Variants in DYSF observed in about 807,000 individuals in gnomAD.
The protein encoded by DYSF is dystrophy-associated fer-1-like 1.
In DYSF, 212 loss-of-function variants were observed where a neutral mutation model predicts 274.9. That is an observed-to-expected ratio of 0.77 (90% confidence interval 0.69 to 0.86). The LOEUF is 0.86. DYSF is among the 40% of genes least tolerant of loss of function. The pLI is 0.00. For missense variants in DYSF, 2,666 were observed against 2,783.2 expected (o/e 0.96, Z 0.95); for synonymous variants, 1,091 against 1,078.7 (o/e 1.01, Z -0.22).
At chr2:71,489,238 C>T (rs2083611577) in intron 3 of DYSF, among the ~76,000 whole-genome samples, 1 of 152,100 alleles carries the variant, frequency 6.6e-6, no homozygotes, top group African/African-American at 2.4e-5. Flanking sequence ...ACTCAAAGTC[C>T]CACTGACCCA....
chr2:71,664,539 G>A (rs2094960769), intron 46 of DYSF, 101 bp downstream of exon 46: 1 of 1,453,678 alleles, frequency 6.9e-7, no homozygotes, highest in Non-Finnish European at 9.5e-7. Context: ...TGCCAGCCCT[G>A]GGCTTAGCAC....
intron 51 of DYSF, among the ~76,000 whole-genome samples, chr2:71,672,639 C>T (rs539637908): frequency 6.6e-5 from 10 of 152,292 alleles, no homozygotes; most frequent in Non-Finnish European, 1.5e-4. Context: ...GGTTCATTCC[C>T]CAGGCTGGAG....
At chr2:71,580,160 C>G (rs940153906) in intron 30 of DYSF, among the ~76,000 whole-genome samples, 2 of 152,378 alleles carry the variant, frequency 1.3e-5, no homozygotes, top group East Asian at 3.9e-4. Flanking sequence ...GGCTAGAGGC[C>G]TCTGCCCTGG....
chr2:71,527,707 C>T (rs532430343), intron 13 of DYSF, among the ~76,000 whole-genome samples: 1 of 152,168 alleles, frequency 6.6e-6, no homozygotes, highest in Admixed American at 6.5e-5. Context: ...ACTTACTTAC[C>T]CACTCATATG....
At chr2:71,563,132 A>G (rs1268338685) in intron 23 of DYSF, among the ~76,000 whole-genome samples, 2 of 152,214 alleles carry the variant, frequency 1.3e-5, no homozygotes, top group African/African-American at 4.8e-5. Context: ...AGTTCCTGGA[A>G]GCTGCTGCTG....
intron 1 of DYSF, among the ~76,000 whole-genome samples, chr2:71,470,074 C>T (rs942053051): frequency 2.0e-5 from 3 of 152,188 alleles, no homozygotes; most frequent in Admixed American, 6.5e-5. Flanking sequence ...AGATCTGCTG[C>T]GTCCCCACTT....
chr2:71,665,026 C>T lies in DYSF; in HGVS notation c.5175-136C>T, dbSNP rs1198461768. 10 of 1,371,660 alleles carry T rather than the reference C, an allele frequency of 7.3e-6. No individual in the cohort carries two copies. In the East Asian group the frequency reaches 2.3e-4, roughly 32 times the overall value. The allele number at this position is 1,371,660 out of a possible 1,614,324, so 85.0% of individuals were successfully genotyped here. ...AATGGGGATGCCCAGTCATGGTGAG[C>T]AATCAGATGGGACACCCACTGTAAA... On this transcript the variant is annotated intron_variant, in intron 46 of 55. Transcript: ENST00000410020.
chr2:71,637,930 C>T (rs1248029084), intron 41 of DYSF, among the ~76,000 whole-genome samples: 2 of 152,084 alleles, frequency 1.3e-5, no homozygotes, highest in African/African-American at 2.4e-5. Flanking sequence ...AGCAGCCGGC[C>T]AGCTGGTGTG....
intron 40 of DYSF, among the ~76,000 whole-genome samples, chr2:71,618,359 G>T (rs1558639285): frequency 4.1e-4 from 15 of 36,790 alleles, no homozygotes; most frequent in Admixed American, 9.5e-4. Flanking sequence ...GGGTGTGTGT[G>T]TGGTAGAGGT....
chr2:71,461,516 G>A (rs7582021), intron 1 of DYSF, among the ~76,000 whole-genome samples: 29,949 of 152,226 alleles, frequency 0.2, 3,187 homozygotes, highest in East Asian at 0.45. Flanking sequence ...CCTTTGGCCC[G>A]AGGAAATGAA....
chr2:71,660,353 C>T (rs1350784990), intron 44 of DYSF, among the ~76,000 whole-genome samples: 8 of 152,196 alleles, frequency 5.3e-5, no homozygotes, highest in Admixed American at 2.0e-4. Context: ...CCCATTCCCA[C>T]GGCTGGAGCC....
At chr2:71,519,032 G>A (rs1297212925) in intron 10 of DYSF, among the ~76,000 whole-genome samples, 3 of 138,010 alleles carry the variant, frequency 2.2e-5, no homozygotes. Flanking sequence ...GGCAGAGGTT[G>A]CAGTGAGCCA....
intron 22 of DYSF, among the ~76,000 whole-genome samples, chr2:71,558,527 C>T (rs1416009162): frequency 6.6e-6 from 1 of 152,226 alleles, no homozygotes; most frequent in Non-Finnish European, 1.5e-5. Context: ...TGGGCCAGGA[C>T]TCTGGGTTCT....
chr2:71,554,839 A>C (rs1301137408), intron 21 of DYSF, among the ~76,000 whole-genome samples: 2 of 152,122 alleles, frequency 1.3e-5, no homozygotes, highest in Non-Finnish European at 2.9e-5. Flanking sequence ...ATGGAGGAGA[A>C]TCACAGGTGG....
At chr2:71,605,502 C>A (rs182602639) in intron 36 of DYSF, among the ~76,000 whole-genome samples, 1 of 152,164 alleles carries the variant, frequency 6.6e-6, no homozygotes, top group East Asian at 1.9e-4. Flanking sequence ...ACCCATGGGG[C>A]TTGTGATCCT....
In DYSF at chr2:71,674,265, C is replaced by A. The variant is rs773560454; in HGVS notation, c.5853C>A (p.Asp1951Glu). 2 of 1,614,238 alleles carry A rather than the reference C, an allele frequency of 1.2e-6. No homozygotes were observed. The highest frequency in any genetic ancestry group is 1.7e-6 in the Non-Finnish European group (2 of 1,180,038). The change falls in exon 52 of 56, where the codon GAC becomes GAA. Residue 1951 changes from aspartate to glutamate, a missense_variant. By Grantham distance (45) the Asp-to-Glu change is conservative (BLOSUM62 2). Around this residue, in one of 3 missense-constraint regions of DYSF, gnomAD observed 1,460 missense variants for 1,502.1 expected, o/e 0.97. Transcript: ENST00000410020. ...IPARVVFQIW[D>E]NDKFSFDDFL... is the part of the protein sequence containing the mutation. ...CACGAGTGGTGTTCCAGATCTGGGA[C>A]AATGACAAGTTCTCCTTTGATGATT...
Position 71,480,927 on chromosome 2 carries a change from G to C in DYSF, c.136G>C (p.Val46Leu). Reference sequence around the variant, plus strand: ...AGTCATCAAGAACAGCGTGAACCCTGTATGGAATGAGGTATGTGAGTTTTT... The same window carrying C: ...AGTCATCAAGAACAGCGTGAACCCTCTATGGAATGAGGTATGTGAGTTTTT... ...TKVIKNSVNP[V>L]WNEGFEWDLK... The change falls in exon 2 of 56, where the codon GTA becomes CTA. Residue 46 changes from valine (V) to leucine (L), a missense_variant. Around this residue, in one of 3 missense-constraint regions of DYSF, gnomAD observed 794 missense variants for 777.1 expected, o/e 1.02. Coordinates refer to ENST00000410020, the MANE Select transcript of DYSF (RefSeq NM_001130987.2). 6.2e-7 allele frequency: 1 copy of C among 1,614,156 alleles called. No individual in the cohort carries two copies. The highest frequency in any genetic ancestry group is 1.1e-5 in the South Asian group (1 of 91,086).
rs3791824 is a variant in DYSF, at chr2:71,661,318, C to T, written c.5003+667C>T. Among the ~76,000 whole-genome samples, 1,345 of 152,094 alleles carry T rather than the reference C, an allele frequency of 8.8e-3. 66 individuals carry two copies. Among genetic ancestry groups the T allele is most frequent in the Admixed American group, 0.076 (1,167 of 15,266 alleles). On this transcript the variant is annotated intron_variant, in intron 45 of 55. Coordinates refer to ENST00000410020, the MANE Select transcript of DYSF (RefSeq NM_001130987.2). ...GTAACCCCTTACTCAATTTCCCCCACTGGTATCATCTTACCTAACCATGGG... is the reference window on the plus strand; with the variant it reads ...GTAACCCCTTACTCAATTTCCCCCATTGGTATCATCTTACCTAACCATGGG...
intron 51 of DYSF, among the ~76,000 whole-genome samples, chr2:71,673,436 C>T (rs959390699): frequency 4.6e-5 from 7 of 152,174 alleles, no homozygotes; most frequent in Admixed American, 1.3e-4. Flanking sequence ...CAGCAGGAGA[C>T]GGAACTTCCC....
Sources: gnomAD v4.1 joint callset for allele counts (sites outside exome capture counted in the v4.1 genomes callset) on GRCh38, gnomAD v4.1.1 for gene constraint, gnomAD v4.1.1 regional missense constraint, MANE v1.5 for transcripts, NCBI Gene and HGNC (gene_info 2026-07-23, HGNC 2026-07-21) for gene names.